The following MAGI2 variants were observed in gnomAD, a reference collection of about 807,000 sequenced individuals.
The protein encoded by MAGI2 is membrane associated guanylate kinase, WW and PDZ domain containing 2, also known as membrane-associated guanylate kinase, WW and PDZ domain-containing protein 2.
Under a neutral mutation model 133.3 loss-of-function variants are expected in MAGI2, and 35 were observed. The ratio of observed to expected loss-of-function variants is 0.26; its 90% confidence interval spans 0.20 to 0.35. The LOEUF (loss-of-function observed/expected upper bound fraction) is 0.35. MAGI2 is among the 10% of genes least tolerant of loss of function. The pLI is 1.00. For synonymous variants in MAGI2, 729 were observed against 710.6 expected, an observed-to-expected ratio of 1.03 and a Z score of -0.41; for missense variants, 1,636 against 1,863.4, an observed-to-expected ratio of 0.88 and a Z score of 2.25.
intron 1 of MAGI2, chr7:79,412,010 A>C (rs1846180101): frequency 6.6e-6 from 1 of 152,136 alleles, no homozygotes; most frequent in Non-Finnish European, 1.5e-5. Context: ...ATTTAAAATT[A>C]AAAGTAAGCA....
chr7:78,954,612 A>T (rs1182054697), intron 2 of MAGI2, among the ~76,000 whole-genome samples: 1 of 152,118 alleles, frequency 6.6e-6, no homozygotes, highest in Non-Finnish European at 1.5e-5. Context: ...TCCTTCCCCT[A>T]ATTTAGACTG....
chr7:79,145,133 A>G (rs1822494769), intron 1 of MAGI2, among the ~76,000 whole-genome samples: 1 of 152,128 alleles, frequency 6.6e-6, no homozygotes, highest in Non-Finnish European at 1.5e-5. Flanking sequence ...GGGTATAAGG[A>G]AGGGTCTACT....
At chr7:78,091,240 A>C (rs1190080707) in intron 20 of MAGI2, among the ~76,000 whole-genome samples, 5 of 152,150 alleles carry the variant, frequency 3.3e-5, no homozygotes, top group African/African-American at 1.2e-4. Flanking sequence ...CCAGTGCAAC[A>C]GTGTAGGGAG....
At chr7:78,376,676 T>C (rs999019538) in intron 6 of MAGI2, among the ~76,000 whole-genome samples, 2 of 152,070 alleles carry the variant, frequency 1.3e-5, no homozygotes, top group African/African-American at 4.8e-5. Context: ...AAAAAATATA[T>C]AGTCAATAGT....
chr7:78,115,010 T>C lies in MAGI2; in HGVS notation c.3567+10684A>G, dbSNP rs140915838. Among the ~76,000 whole-genome samples the C allele has an allele frequency of 3.5e-3, 532 of 152,352 alleles. 2 individuals carry two copies. Among genetic ancestry groups the C allele is most frequent in the African/African-American group, 0.012 (508 of 41,578 alleles). On this transcript the variant is annotated intron_variant, in intron 20 of 21. Transcript: ENST00000354212. ...GGTAAATGTTACTAACTGCTGTTTA[T>C]GGCAATATGGTGGATTAGATTCCCT...
chr7:79,333,898 C>A (rs956995327), intron 1 of MAGI2, among the ~76,000 whole-genome samples: 1 of 152,118 alleles, frequency 6.6e-6, no homozygotes, highest in African/African-American at 2.4e-5. Flanking sequence ...AAGTAAACAA[C>A]TTTTAAAAAA....
intron 2 of MAGI2, among the ~76,000 whole-genome samples, chr7:78,951,659 A>G (rs1801883505): frequency 6.6e-6 from 1 of 152,158 alleles, no homozygotes. Flanking sequence ...GTTTTTTAAG[A>G]ACTTAGTTTA....
At chr7:79,118,829 T>C (rs1052406227) in intron 1 of MAGI2, among the ~76,000 whole-genome samples, 1 of 152,120 alleles carries the variant, frequency 6.6e-6, no homozygotes, top group Non-Finnish European at 1.5e-5. Context: ...CAGGATATCA[T>C]TGCTTCTTTA....
intron 6 of MAGI2, among the ~76,000 whole-genome samples, chr7:78,471,511 G>C (rs1584289773): frequency 6.6e-6 from 1 of 152,084 alleles, no homozygotes; most frequent in African/African-American, 2.4e-5. Flanking sequence ...AGAATGTATT[G>C]AATCACCTCT....
intron 2 of MAGI2, among the ~76,000 whole-genome samples, chr7:78,833,741 C>T (rs111351747): frequency 2.0e-5 from 3 of 152,112 alleles, no homozygotes; most frequent in South Asian, 2.1e-4. Flanking sequence ...GCTGAAGCAC[C>T]CCAGGGTTCT....
At chr7:78,630,592 G>A (rs935420518) in intron 2 of MAGI2, among the ~76,000 whole-genome samples, 1 of 150,988 alleles carries the variant, frequency 6.6e-6, no homozygotes, top group Non-Finnish European at 1.5e-5. Context: ...AATTTTTGTA[G>A]TTTTAGTAGA....
chr7:78,820,657 C>G (rs1790018055), intron 2 of MAGI2, among the ~76,000 whole-genome samples: 1 of 151,858 alleles, frequency 6.6e-6, no homozygotes, highest in Admixed American at 6.6e-5. Context: ...AGATGATATG[C>G]TACTTGACCA....
intron 1 of MAGI2, among the ~76,000 whole-genome samples, chr7:79,149,671 T>C (rs906616074): frequency 2.0e-5 from 3 of 152,078 alleles, no homozygotes; most frequent in African/African-American, 4.8e-5. Flanking sequence ...GGCAAACACA[T>C]TTCCAGCCAA....
intron 4 of MAGI2, among the ~76,000 whole-genome samples, chr7:78,504,377 C>T (rs1794903338): frequency 6.6e-6 from 1 of 152,144 alleles, no homozygotes; most frequent in African/African-American, 2.4e-5. Flanking sequence ...ATTTACCCCA[C>T]ATTTAGTTTT....
intron 1 of MAGI2, among the ~76,000 whole-genome samples, chr7:79,146,982 T>C (rs1284964227): frequency 2.0e-5 from 3 of 152,336 alleles, no homozygotes; most frequent in Non-Finnish European, 4.4e-5. Flanking sequence ...TCTAGATTAC[T>C]TGAGAGATAT....
intron 2 of MAGI2, among the ~76,000 whole-genome samples, chr7:78,813,640 G>A (rs1255682688): frequency 6.6e-6 from 1 of 151,938 alleles, no homozygotes; most frequent in East Asian, 1.9e-4. Flanking sequence ...AAAAAAATTG[G>A]CCAGGCGTGG....
chr7:78,992,399 C>A (rs1464379458), intron 2 of MAGI2, among the ~76,000 whole-genome samples: 1 of 151,914 alleles, frequency 6.6e-6, no homozygotes, highest in Non-Finnish European at 1.5e-5. Context: ...AACTAAGTTA[C>A]AATATATTAA....
chr7:78,354,221 G>C (rs963637986), intron 7 of MAGI2, among the ~76,000 whole-genome samples: 3 of 152,158 alleles, frequency 2.0e-5, no homozygotes, highest in African/African-American at 7.2e-5. Context: ...GGTGAGAATA[G>C]TCTGACTTGT....
chr7:79,132,921 CTA>C (rs1011446982), intron 1 of MAGI2, among the ~76,000 whole-genome samples: 3 of 151,852 alleles, frequency 2.0e-5, no homozygotes, highest in African/African-American at 7.2e-5. Flanking sequence ...GCATTTTTTC[CTA>C]TGTTTGTTGG....
Sources: gnomAD v4.1 joint callset for allele counts (sites outside exome capture counted in the v4.1 genomes callset) on GRCh38, gnomAD v4.1.1 for gene constraint, MANE v1.5 for transcripts, NCBI Gene and HGNC (gene_info 2026-07-23, HGNC 2026-07-21) for gene names.